ZNF112: variants seen among roughly 807,000 people sequenced by gnomAD.
The protein encoded by ZNF112 is zinc finger protein 112.
Under a neutral mutation model 77.7 loss-of-function variants are expected in ZNF112, and 37 were observed. The observed-to-expected ratio is 0.48, with a 90% CI of 0.37 to 0.63. The LOEUF is 0.63. Among genes scored for constraint, ZNF112 ranks in the 20% least tolerant of loss-of-function variants. The pLI is 0.00. For missense variants in ZNF112, 950 were observed against 1,077.4 expected (o/e 0.88, Z 1.66); for synonymous variants, 333 against 363.6 (o/e 0.92, Z 0.96).
intron 1 of ZNF112, among the ~76,000 whole-genome samples, chr19:44,347,847 T>C (rs1371096716): frequency 6.6e-6 from 1 of 152,178 alleles, no homozygotes; most frequent in Non-Finnish European, 1.5e-5. Context: ...TCATCATTTC[T>C]GAAGTTCCTA....
upstream of ZNF112, among the ~76,000 whole-genome samples, chr19:44,357,858 G>A (rs992805663): frequency 6.6e-6 from 1 of 152,074 alleles, no homozygotes; most frequent in South Asian, 2.1e-4. Flanking sequence ...CAGGGAGGAC[G>A]GTGAATGGGT....
chr19:44,354,552 C>T (rs900261676), intron 1 of ZNF112, among the ~76,000 whole-genome samples: 1 of 152,008 alleles, frequency 6.6e-6, no homozygotes, highest in Admixed American at 6.5e-5. Context: ...ATATAACCTA[C>T]CAATATTAAG....
chr19:44,331,974 C>T (rs575759271), intron 3 of ZNF112, among the ~76,000 whole-genome samples: 1 of 152,252 alleles, frequency 6.6e-6, no homozygotes, highest in South Asian at 2.1e-4. Context: ...ATAGGCAGGG[C>T]CTGTGGATTG....
chr19:44,340,932 G>A (rs1477194556), intron 1 of ZNF112, among the ~76,000 whole-genome samples: 1 of 152,158 alleles, frequency 6.6e-6, no homozygotes, highest in African/African-American at 2.4e-5. Flanking sequence ...CAGGGTATCA[G>A]TCATCCTTAC....
chr19:44,333,202 A>G (rs1378468989), intron 3 of ZNF112, among the ~76,000 whole-genome samples: 1 of 152,240 alleles, frequency 6.6e-6, no homozygotes, highest in East Asian at 1.9e-4. Flanking sequence ...CATAAAGACA[A>G]GTAATTCCTT....
At chr19:44,331,698 C>G (rs893752082) in intron 3 of ZNF112, among the ~76,000 whole-genome samples, 1 of 152,178 alleles carries the variant, frequency 6.6e-6, no homozygotes. Context: ...GCACTGCATT[C>G]CTTTCACTGC....
In ZNF112 at chr19:44,336,688, G is replaced by A. The variant is rs1228244295; in HGVS notation, c.155C>T (p.Ser52Phe). ...AAGCTTTTCTTCTCTCTCCAGCTGG[G>A]ATATTAGGTCTGGCTTGAAGGGCTG... ...AHQPFKPDLISQLEREEKLLM... is the reference protein window; with the variant it reads ...AHQPFKPDLIFQLEREEKLLM... The change falls in exon 3 of 4, where the codon TCC (serine) becomes TTC (phenylalanine). Residue 52 changes from serine to phenylalanine, a missense_variant. Physicochemically the swap from Ser to Phe is radical, Grantham distance 155. Coordinates refer to ENST00000354340, the MANE Select transcript of ZNF112 (RefSeq NM_013380.4). The A allele has an allele frequency of 6.2e-7, 1 of 1,613,980 alleles. No individual in the cohort carries two copies. The highest frequency in any genetic ancestry group is 1.1e-5 in the South Asian group (1 of 91,062).
rs139015866 is a variant in ZNF112 at position 44,328,112 on chromosome 19, G to A, written c.2045C>T (p.Thr682Met). The A allele has an allele frequency of 1.4e-5, 22 of 1,613,758 alleles. No individual in the cohort carries two copies. In the African/African-American group the frequency reaches 1.5e-4, roughly 11 times the overall value. ...STLLAHQRVHTGEKPYQCDEC... is the reference protein window; with the variant it reads ...STLLAHQRVHMGEKPYQCDEC... ...ATCACATTGGTATGGCTTCTCTCCC[G>A]TGTGGACCCTCTGATGGGCCAAAAG... The change falls in exon 4 of 4, where the codon ACG becomes ATG. Residue 682 changes from threonine (T) to methionine (M), a missense_variant. Around this residue, in one of 3 missense-constraint regions of ZNF112, gnomAD observed 373 missense variants for 482.8 expected, o/e 0.77. Coordinates refer to ENST00000354340, the MANE Select transcript of ZNF112 (RefSeq NM_013380.4).
rs181645679 is a variant in ZNF112 at position 44,355,443 on chromosome 19, A to T, written c.-4+1183T>A. On this transcript the variant is annotated intron_variant, in intron 1 of 3. Transcript: ENST00000354340. The stretch of plus-strand genomic sequence containing the variant: ...ATAAAATTAAATTACAGATAATTTT[A>T]AAAAATCAAAAATTCAAAGCTTATT... 7.3e-4 allele frequency among the ~76,000 whole-genome samples: 111 copies of T among 152,356 alleles called. 1 individual carries two copies. The highest frequency in any genetic ancestry group is 2.5e-3 in the African/African-American group (102 of 41,592).
chr19:44,365,528 T>C (rs941339010), intron 1 of ZNF112, among the ~76,000 whole-genome samples: 2 of 152,042 alleles, frequency 1.3e-5, no homozygotes, highest in Non-Finnish European at 2.9e-5. Flanking sequence ...CACACATACA[T>C]ACACTCAACT....
chr19:44,355,579 G>C (rs1970772201), intron 1 of ZNF112, among the ~76,000 whole-genome samples: 1 of 152,152 alleles, frequency 6.6e-6, no homozygotes, highest in South Asian at 2.1e-4. Context: ...TCAAATCCCA[G>C]CTCAGGCTCT....
chr19:44,354,606 G>C (rs1280057991), intron 1 of ZNF112, among the ~76,000 whole-genome samples: 1 of 152,034 alleles, frequency 6.6e-6, no homozygotes, highest in Non-Finnish European at 1.5e-5. Flanking sequence ...ATTCTATTTT[G>C]ATACCTAATT....
At chr19:44,343,851 G>A (rs915022034) in intron 1 of ZNF112, among the ~76,000 whole-genome samples, 5 of 152,282 alleles carry the variant, frequency 3.3e-5, no homozygotes, top group African/African-American at 1.2e-4. Context: ...ATACCATTCT[G>A]TATCACAAAA....
Position 44,328,031 on chromosome 19 carries a change from T to G in ZNF112, c.2126A>C (p.His709Pro). The G allele has an allele frequency of 6.2e-7, 1 of 1,614,040 alleles. No homozygotes were observed. The highest frequency in any genetic ancestry group is 8.5e-7 in the Non-Finnish European group (1 of 1,179,980). Residue 709 changes from histidine (H) to proline (P), a missense_variant, in exon 4 of 4, where the codon CAT (histidine) becomes CCT (proline). By Grantham distance (77) the His-to-Pro change is moderately conservative (BLOSUM62 -2). This residue lies in a region of ZNF112 where 373 missense variants were observed against 482.8 expected (regional missense o/e 0.77). Coordinates refer to ENST00000354340, the MANE Select transcript of ZNF112 (RefSeq NM_013380.4). ...RSYLQSHQSVHSGERPYICEV... is the reference protein window; with the variant it reads ...RSYLQSHQSVPSGERPYICEV... ...ACATATATATGGTCTTTCTCCAGAA[T>G]GGACACTCTGATGACTCTGAAGGTA...
At chr19:44,354,059 T>A (rs1017302098) in intron 1 of ZNF112, among the ~76,000 whole-genome samples, 1 of 152,188 alleles carries the variant, frequency 6.6e-6, no homozygotes, top group African/African-American at 2.4e-5. Context: ...TTGATACGTA[T>A]AACAACTTTG....
chr19:44,329,360 C>A lies in ZNF112; in HGVS notation c.797G>T (p.Ser266Ile), dbSNP rs750115847. 12 of 1,613,666 alleles carry A rather than the reference C, an allele frequency of 7.4e-6. No individual in the cohort carries two copies. The highest frequency in any genetic ancestry group is 1.6e-4 in the Middle Eastern group (1 of 6,080). The change falls in exon 4 of 4, where the codon AGC (serine) becomes ATC (isoleucine). Residue 266 changes from serine (S) to isoleucine (I), a missense_variant. Physicochemically the swap from Ser to Ile is moderately radical, Grantham distance 142 (BLOSUM62 -2). Transcript: ENST00000354340. ...GYRKAFSNDSSSEVHQQFHLE... is the reference protein window; with the variant it reads ...GYRKAFSNDSISEVHQQFHLE... ...GTGGAACTGCTGATGAACCTCAGAG[C>A]TGGAGTCATTACTGAAGGCTTTTCT... is the stretch of plus-strand genomic sequence containing the variant.
At chr19:44,338,874 C>T (rs999998008) in intron 2 of ZNF112, among the ~76,000 whole-genome samples, 3 of 152,006 alleles carry the variant, frequency 2.0e-5, no homozygotes, top group African/African-American at 7.2e-5. Context: ...ACCAGTGTGG[C>T]CAACATGGTG....
intron 1 of ZNF112, among the ~76,000 whole-genome samples, chr19:44,364,942 A>G (rs1970888499): frequency 6.6e-6 from 1 of 152,038 alleles, no homozygotes; most frequent in African/African-American, 2.4e-5. Flanking sequence ...CTTTCCTTAT[A>G]ATTTCTTTGT....
chr19:44,328,649 C>G lies in ZNF112; in HGVS notation c.1508G>C (p.Ser503Thr), dbSNP rs1970188594. ...RKEHGNGFNW[S>T]SKLKDHQRVH... ...TCTCTGATGATCTTTAAGTTTTGAG[C>G]TCCAGTTGAAGCCATTCCCATGCTC... The change falls in exon 4 of 4, where the codon AGC becomes ACC. Residue 503 changes from serine (S) to threonine (T), a missense_variant. Around this residue, in one of 3 missense-constraint regions of ZNF112, gnomAD observed 560 missense variants for 557.3 expected, o/e 1.00. Transcript: ENST00000354340. 6.2e-7 allele frequency: 1 copy of G among 1,614,114 alleles called. No homozygotes were observed.
Sources: allele counts gnomAD v4.1 joint callset (sites outside exome capture counted in the v4.1 genomes callset), GRCh38; gene constraint gnomAD v4.1.1; regional missense constraint gnomAD v4.1.1; transcripts MANE v1.5; gene names NCBI Gene and HGNC (gene_info 2026-07-23, HGNC 2026-07-21).